The following SGMS2 variants were observed in gnomAD, a reference collection of about 807,000 sequenced individuals.
SGMS2 encodes phosphatidylcholine:ceramide cholinephosphotransferase 2.
In SGMS2, 21 loss-of-function variants were observed where a neutral mutation model predicts 43.8. The observed-to-expected ratio is 0.48, with a 90% CI of 0.34 to 0.69. The LOEUF is 0.69. SGMS2 is among the 30% of genes least tolerant of loss of function. The pLI, the probability that SGMS2 is intolerant of heterozygous loss-of-function variation, is 0.01. For synonymous variants in SGMS2, 167 were observed against 160.6 expected (o/e 1.04, Z -0.30); for missense variants, 384 against 443.2 (o/e 0.87, Z 1.20).
chr4:107,826,598 A>G (rs1305580081), intron 1 of SGMS2, among the ~76,000 whole-genome samples: 1 of 151,330 alleles, frequency 6.6e-6, no homozygotes, highest in Non-Finnish European at 1.5e-5. Flanking sequence ...TTTCCTCTTT[A>G]TGGCCCTTTC....
At chr4:107,877,918 T>C (rs1042622135) in intron 2 of SGMS2, among the ~76,000 whole-genome samples, 28 of 139,156 alleles carry the variant, frequency 2.0e-4, no homozygotes, top group South Asian at 4.6e-4. Context: ...CTTTTCTTTT[T>C]TTTTTTTTTT....
intron 1 of SGMS2, among the ~76,000 whole-genome samples, chr4:107,845,723 A>C (rs1360355769): frequency 6.6e-6 from 1 of 152,164 alleles, no homozygotes; most frequent in African/African-American, 2.4e-5. Flanking sequence ...TCTCTTAGGC[A>C]TTGTTTTGTC....
rs533856193 is a variant in SGMS2 at position 107,913,136 on chromosome 4, T to C, written c.*2583T>C. On this transcript the variant is annotated 3_prime_UTR_variant, in exon 7 of 7. Coordinates refer to ENST00000690982, the MANE Select transcript of SGMS2 (RefSeq NM_001375905.1). ...TTTGCCAGTTAAGATACATATCTTA[T>C]TATCTTTGTTTTTTTCAAGTCTATG... 2.0e-5 allele frequency: 3 copies of C among 152,290 alleles called. No homozygotes were observed. In the South Asian group the frequency reaches 6.2e-4, roughly 32 times the overall value. The allele number at this position is 152,290 out of a possible 1,614,324, so 9.4% of individuals were successfully genotyped here. A position where few individuals can be genotyped will look rare whatever the true frequency, so the allele number is the denominator to read the frequency against.
intron 2 of SGMS2, among the ~76,000 whole-genome samples, chr4:107,859,387 A>G (rs573571802): frequency 6.6e-6 from 1 of 152,206 alleles, no homozygotes; most frequent in East Asian, 1.9e-4. Flanking sequence ...TAGGTAGTTA[A>G]TATTATTCAG....
chr4:107,842,432 A>G (rs1726572661), intron 1 of SGMS2, among the ~76,000 whole-genome samples: 1 of 152,210 alleles, frequency 6.6e-6, no homozygotes, highest in African/African-American at 2.4e-5. Context: ...ACTCAAAGTG[A>G]GAACTTATCA....
chr4:107,871,058 T>C (rs574693191), intron 2 of SGMS2, among the ~76,000 whole-genome samples: 1 of 152,294 alleles, frequency 6.6e-6, no homozygotes, highest in South Asian at 2.1e-4. Flanking sequence ...TCCTGTGTTT[T>C]TCTAAGCCCA....
intron 2 of SGMS2, among the ~76,000 whole-genome samples, chr4:107,868,229 A>T (rs1728275574): frequency 6.6e-6 from 1 of 152,212 alleles, no homozygotes; most frequent in East Asian, 1.9e-4. Context: ...TTAGTTTTGC[A>T]TGATTTTATC....
intron 1 of SGMS2, among the ~76,000 whole-genome samples, chr4:107,839,646 GA>G (rs1726391290): frequency 6.6e-6 from 1 of 151,970 alleles, no homozygotes; most frequent in Non-Finnish European, 1.5e-5. Context: ...TTTTAGAAGG[GA>G]TTGAATTTCT....
intron 3 of SGMS2, among the ~76,000 whole-genome samples, chr4:107,897,417 T>G (rs1730763491): frequency 6.6e-6 from 1 of 152,226 alleles, no homozygotes; most frequent in Non-Finnish European, 1.5e-5. Flanking sequence ...TTCTCTTTAG[T>G]GTCTGGAAAT....
chr4:107,854,061 G>A (rs976853956), intron 1 of SGMS2, among the ~76,000 whole-genome samples: 6 of 152,236 alleles, frequency 3.9e-5, no homozygotes, highest in African/African-American at 1.2e-4. Flanking sequence ...TGCTATAGTT[G>A]ATTAATAAGA....
intron 2 of SGMS2, among the ~76,000 whole-genome samples, chr4:107,861,919 A>G (rs148501956): frequency 6.6e-6 from 1 of 152,238 alleles, no homozygotes; most frequent in African/African-American, 2.4e-5. Context: ...CCTGTTCATA[A>G]ACATTTAATA....
chr4:107,902,389 C>G (rs1731199657), intron 4 of SGMS2, among the ~76,000 whole-genome samples: 1 of 151,696 alleles, frequency 6.6e-6, no homozygotes, highest in Non-Finnish European at 1.5e-5. Flanking sequence ...TTGCTTTATA[C>G]TTATCTGATC....
intron 1 of SGMS2, among the ~76,000 whole-genome samples, chr4:107,837,325 G>T (rs1323628272): frequency 6.6e-6 from 1 of 152,132 alleles, no homozygotes; most frequent in African/African-American, 2.4e-5. Flanking sequence ...GAGAGTGACT[G>T]GGGCAGCCTA....
chr4:107,833,843 A>C (rs1211880032), intron 1 of SGMS2, among the ~76,000 whole-genome samples: 1 of 152,228 alleles, frequency 6.6e-6, no homozygotes, highest in Non-Finnish European at 1.5e-5. Context: ...AGGGAAGCAG[A>C]AGAGTCACAG....
intron 3 of SGMS2, among the ~76,000 whole-genome samples, chr4:107,896,406 A>T (rs184684610): frequency 1.2e-4 from 19 of 152,110 alleles, no homozygotes; most frequent in African/African-American, 3.6e-4. Context: ...AGGTTGAGAA[A>T]CTTTTTTCTC....
At chr4:107,888,048 C>T (rs1233433038) in intron 2 of SGMS2, among the ~76,000 whole-genome samples, 1 of 152,108 alleles carries the variant, frequency 6.6e-6, no homozygotes, top group East Asian at 1.9e-4. Flanking sequence ...GAACTTATCT[C>T]TCAAAATCAG....
intron 2 of SGMS2, among the ~76,000 whole-genome samples, chr4:107,859,828 C>A (rs1259437799): frequency 6.6e-6 from 1 of 151,962 alleles, no homozygotes; most frequent in East Asian, 1.9e-4. Flanking sequence ...AGAGTGAAAC[C>A]CTGATTTGGA....
chr4:107,843,574 G>A (rs915978749), intron 1 of SGMS2, among the ~76,000 whole-genome samples: 2 of 152,196 alleles, frequency 1.3e-5, no homozygotes, highest in Non-Finnish European at 1.5e-5. Flanking sequence ...GAGGCCTGGA[G>A]TGCTCAGGTC....
At chr4:107,881,460 A>AT (rs371175215) in intron 2 of SGMS2, among the ~76,000 whole-genome samples, 1,789 of 147,928 alleles carry the variant, frequency 0.012, 24 homozygotes, top group African/African-American at 0.041. Flanking sequence ...ATTTCTTTTT[A>AT]TTTTTTTTTT....
Sources: allele counts gnomAD v4.1 joint callset (sites outside exome capture counted in the v4.1 genomes callset), GRCh38; gene constraint gnomAD v4.1.1; transcripts MANE v1.5; gene names NCBI Gene and HGNC (gene_info 2026-07-23, HGNC 2026-07-21).